The following LACTB variants were observed in gnomAD, a reference collection of about 807,000 sequenced individuals.
LACTB encodes the protein lactamase beta, also known as serine beta-lactamase-like protein LACTB, mitochondrial.
In LACTB, 35 loss-of-function variants were observed where a neutral mutation model predicts 50.2. That is an observed-to-expected ratio of 0.70 (90% confidence interval 0.53 to 0.92). The LOEUF is 0.92. LACTB is among the 40% of genes least tolerant of loss of function. The pLI is 0.00. For synonymous variants in LACTB, 252 were observed against 268.2 expected (o/e 0.94, Z 0.59); for missense variants, 664 against 691.8 (o/e 0.96, Z 0.45).
intron 5 of LACTB, among the ~76,000 whole-genome samples, chr15:63,131,725 G>T (rs2037134466): frequency 6.6e-6 from 1 of 152,108 alleles, no homozygotes; most frequent in Non-Finnish European, 1.5e-5. Context: ...CAGGAGGATT[G>T]CTTGAGCCCA....
rs1427398228 is a variant in LACTB at position 63,129,786 on chromosome 15, C to T, written c.1118+136C>T. On this transcript the variant is annotated intron_variant, in intron 5 of 5. Coordinates refer to ENST00000261893, the MANE Select transcript of LACTB (RefSeq NM_032857.5). ...GGGAGCTTTTCTACATGTCTGTTTT[C>T]TCATCTGTAAAGTGAAGGAAGTAAA... 2.5e-6 allele frequency: 3 copies of T among 1,213,514 alleles called. No homozygotes were observed. In the East Asian group the frequency reaches 8.8e-5, roughly 36 times the overall value. 75.2% of individuals were successfully genotyped at this position (1,213,514 alleles called of 1,614,324 possible). A position where few individuals can be genotyped will look rare whatever the true frequency, so the allele number is the denominator to read the frequency against.
chr15:63,125,367 C>G (rs1395163549), intron 2 of LACTB, among the ~76,000 whole-genome samples: 1 of 151,768 alleles, frequency 6.6e-6, no homozygotes, highest in Non-Finnish European at 1.5e-5. Context: ...GGGGATTCTC[C>G]ATGTTGGTCA....
chr15:63,123,691 G>C (rs1365399651), intron 2 of LACTB, among the ~76,000 whole-genome samples: 1 of 152,252 alleles, frequency 6.6e-6, no homozygotes, highest in Non-Finnish European at 1.5e-5. Flanking sequence ...GTGTCCACTG[G>C]ACAGGGGGCC....
intron 2 of LACTB, among the ~76,000 whole-genome samples, chr15:63,123,476 C>T (rs1032996778): frequency 4.6e-5 from 7 of 152,004 alleles, no homozygotes; most frequent in African/African-American, 1.7e-4. Context: ...CTGTGTGCGG[C>T]GACGAGAGAG....
chr15:63,128,294 A>G (rs1034269741), intron 4 of LACTB, among the ~76,000 whole-genome samples: 6 of 152,210 alleles, frequency 3.9e-5, no homozygotes, highest in Admixed American at 6.5e-5. Context: ...TATGGATTTT[A>G]TCTTAAAAAT....
chr15:63,135,614 G>A lies in LACTB; in HGVS notation c.1119-5666G>A, dbSNP rs1006099783. On this transcript the variant is annotated intron_variant, in intron 5 of 5. Transcript: ENST00000261893. The stretch of plus-strand genomic sequence containing the variant: ...ATGCGCCTGTAGTCCCAGCTACTTG[G>A]AGGCTGAGCGGGGAGGATCACCTGA... Among the ~76,000 whole-genome samples, 4 of 152,306 alleles carry A rather than the reference G, an allele frequency of 2.6e-5. No homozygotes were observed. The East Asian group carries it at 5.8e-4, about 22-fold the overall frequency.
intron 5 of LACTB, among the ~76,000 whole-genome samples, chr15:63,136,623 C>G (rs971053039): frequency 2.6e-5 from 4 of 152,032 alleles, no homozygotes; most frequent in Non-Finnish European, 5.9e-5. Flanking sequence ...AAACTCAACT[C>G]TGATTCTTTT....
At chr15:63,137,348 G>T (rs1030141802) in intron 5 of LACTB, among the ~76,000 whole-genome samples, 4 of 152,018 alleles carry the variant, frequency 2.6e-5, no homozygotes, top group Admixed American at 6.6e-5. Flanking sequence ...ATTAGAACTT[G>T]GCCATATTTT....
In LACTB at chr15:63,122,234, G is replaced by A; in HGVS notation, c.357+6G>A. 1.3e-6 allele frequency: 2 copies of A among 1,550,140 alleles called. No homozygotes were observed. The highest frequency in any genetic ancestry group is 1.7e-6 in the Non-Finnish European group (2 of 1,157,678). Reference sequence around the variant, plus strand: ...ACCTGCTGCACAGGATCAAGGTGCGGCCACTGGAGCGGGGGGCGTAGGGGG... The same window carrying A: ...ACCTGCTGCACAGGATCAAGGTGCGACCACTGGAGCGGGGGGCGTAGGGGG... On this transcript the variant is annotated splice_donor_region_variant and intron_variant, in intron 1 of 5. Transcript: ENST00000261893.
rs1429980194 is a variant in LACTB, at chr15:63,122,069, G to T, written c.198G>T (p.Ala66=). The T allele has an allele frequency of 1.2e-5, 18 of 1,442,106 alleles. No homozygotes were observed. Among genetic ancestry groups the T allele is most frequent in the Non-Finnish European group, 1.5e-5 (17 of 1,106,584 alleles). The allele number at this position is 1,442,106 out of a possible 1,614,324, so 89.3% of individuals were successfully genotyped here. A position where few individuals can be genotyped will look rare whatever the true frequency, so the allele number is the denominator to read the frequency against. ...LAGGLRGAAP[A]QSPAAPDPEA... ...GTGGGCTGAGGGGCGCGGCCCCGGC[G>T]CAGTCCCCCGCGGCCCCCGACCCTG... Residue 66 remains alanine (A), a synonymous_variant, in exon 1 of 6, where the codon GCG becomes GCT. Coordinates refer to ENST00000261893, the MANE Select transcript of LACTB (RefSeq NM_032857.5).
At chr15:63,129,671 G>C (rs1466262659) in intron 5 of LACTB, 21 bp downstream of exon 5, 1 of 1,555,050 alleles carries the variant, frequency 6.4e-7, no homozygotes. Context: ...ACCTTCTGCT[G>C]TGTCTAGCTA....
At chr15:63,137,968 T>G (rs1276415340) in intron 5 of LACTB, among the ~76,000 whole-genome samples, 1 of 152,226 alleles carries the variant, frequency 6.6e-6, no homozygotes, top group Non-Finnish European at 1.5e-5. Flanking sequence ...ATGTTGGTTT[T>G]CAAACTTCTT....
chr15:63,132,088 T>C (rs2037138558), intron 5 of LACTB, among the ~76,000 whole-genome samples: 1 of 152,216 alleles, frequency 6.6e-6, no homozygotes, highest in South Asian at 2.1e-4. Context: ...GGTGTACATG[T>C]GCAGGTTTGT....
chr15:63,140,951 T>C, intron 5 of LACTB: 1 of 945,304 alleles, frequency 1.1e-6, no homozygotes, highest in Non-Finnish European at 1.3e-6. Flanking sequence ...TTTCTCCATA[T>C]GCACAGGGCA....
Position 63,141,359 on chromosome 15 carries a change from T to C in LACTB, c.1198T>C (p.Phe400Leu). 6.2e-7 allele frequency: 1 copy of C among 1,614,232 alleles called. No homozygotes were observed. The highest frequency in any genetic ancestry group is 8.5e-7 in the Non-Finnish European group (1 of 1,180,028). ...DNSYKWAGGG[F>L]LSTVGDLLKF... is the part of the protein sequence containing the mutation. Reference sequence around the variant, plus strand: ...CTCCTATAAATGGGCTGGTGGTGGATTTCTGTCTACAGTGGGTGACCTTCT... The same window carrying C: ...CTCCTATAAATGGGCTGGTGGTGGACTTCTGTCTACAGTGGGTGACCTTCT... The change falls in exon 6 of 6, where the codon TTT becomes CTT. Residue 400 changes from phenylalanine (F) to leucine (L), a missense_variant. By Grantham distance (22) the Phe-to-Leu change is conservative. Coordinates refer to ENST00000261893, the MANE Select transcript of LACTB (RefSeq NM_032857.5).
Position 63,141,853 on chromosome 15 carries a change from G to A in LACTB, c.*48G>A. On this transcript the variant is annotated 3_prime_UTR_variant, in exon 6 of 6. Transcript: ENST00000261893. ...AAATGAGTTGTTCTGAGGTTTTTTT[G>A]AAACATTAAAGTTCCAAAACATGAC... 1 of 1,492,508 alleles carries A rather than the reference G, an allele frequency of 6.7e-7. No individual in the cohort carries two copies. The highest frequency in any genetic ancestry group is 9.1e-7 in the Non-Finnish European group (1 of 1,103,028). The allele number at this position is 1,492,508 out of a possible 1,614,324, so 92.5% of individuals were successfully genotyped here.
intron 5 of LACTB, chr15:63,141,018 C>G: frequency 1.0e-6 from 1 of 985,002 alleles, no homozygotes; most frequent in Non-Finnish European, 1.2e-6. Flanking sequence ...AGGTTTGATA[C>G]ACTCAGCATG....
rs139879323 is a variant in LACTB, at chr15:63,121,920, G to A, written c.49G>A (p.Gly17Ser). 49,568 of 1,426,858 alleles carry A rather than the reference G, an allele frequency of 0.035. 1,012 individuals carry two copies. The highest frequency in any genetic ancestry group is 0.047 in the Middle Eastern group (228 of 4,870). 88.4% of individuals were successfully genotyped at this position (1,426,858 alleles called of 1,614,324 possible). A position where few individuals can be genotyped will look rare whatever the true frequency, so the allele number is the denominator to read the frequency against. ...GACTGCCCGGGCTGCCGCCCCCGGG[G>A]GCTTGGCCTCAAGCTGCGGACGACG... ...AVTARAAAPG[G>S]LASSCGRRGV... is the part of the protein sequence containing the mutation. The change falls in exon 1 of 6, where the codon GGC becomes AGC. Residue 17 changes from glycine (G) to serine (S), a missense_variant. By Grantham distance (56) the Gly-to-Ser change is moderately conservative. Transcript: ENST00000261893.
chr15:63,131,957 A>C (rs12050784), intron 5 of LACTB, among the ~76,000 whole-genome samples: 4,605 of 151,832 alleles, frequency 0.03, 183 homozygotes, highest in East Asian at 0.18. Flanking sequence ...CCCCCAACAA[A>C]AAAAAAAAAG....
Sources: gnomAD v4.1 joint callset for allele counts (sites outside exome capture counted in the v4.1 genomes callset) on GRCh38, gnomAD v4.1.1 for gene constraint, MANE v1.5 for transcripts, NCBI Gene and HGNC (gene_info 2026-07-23, HGNC 2026-07-21) for gene names.